LARS2: variants seen among roughly 807,000 people sequenced by gnomAD.
The protein encoded by LARS2 is leucyl-tRNA synthetase 2, mitochondrial.
Under a neutral mutation model 116.6 loss-of-function variants are expected in LARS2, and 81 were observed. The ratio of observed to expected loss-of-function variants is 0.69; its 90% CI spans 0.58 to 0.84. LARS2 has a LOEUF of 0.84. Ranked by LOEUF, LARS2 falls within the 40% of genes least tolerant of loss-of-function variation. LARS2 has a pLI of 0.00. For synonymous variants in LARS2, 396 were observed against 407.2 expected, an observed-to-expected ratio of 0.97 and a Z score of 0.33; for missense variants, 968 against 1,114.5, an observed-to-expected ratio of 0.87 and a Z score of 1.87.
chr3:45,432,615 T>C (rs1014874161), intron 6 of LARS2, among the ~76,000 whole-genome samples: 6 of 151,788 alleles, frequency 4.0e-5, no homozygotes, highest in African/African-American at 1.2e-4. Context: ...CAACATACAG[T>C]CTTATGGAAT....
chr3:45,544,722 G>C (rs1434567722), intron 21 of LARS2, among the ~76,000 whole-genome samples: 1 of 152,244 alleles, frequency 6.6e-6, no homozygotes, highest in Non-Finnish European at 1.5e-5. Context: ...TCTGAATGGT[G>C]ACTGCTGCTA....
At chr3:45,402,923 T>C (rs1698177016) in intron 4 of LARS2, among the ~76,000 whole-genome samples, 2 of 151,760 alleles carry the variant, frequency 1.3e-5, no homozygotes, top group Non-Finnish European at 2.9e-5. Context: ...CTGACCAACA[T>C]GGAGAAACCC....
At chr3:45,417,098 A>C (rs573604324) in intron 4 of LARS2, among the ~76,000 whole-genome samples, 26 of 150,638 alleles carry the variant, frequency 1.7e-4, no homozygotes, top group African/African-American at 5.8e-4. Context: ...AAAAAAAAAA[A>C]CTGACATGAC....
intron 13 of LARS2, among the ~76,000 whole-genome samples, chr3:45,493,352 G>C (rs6780182): frequency 0.8 from 121,651 of 152,112 alleles, 52,816 homozygotes; most frequent in East Asian, 0.98. Flanking sequence ...GCCCGCCTAG[G>C]CCTCCCAAAG....
chr3:45,496,821 G>A (rs535486476), intron 14 of LARS2, among the ~76,000 whole-genome samples: 22 of 152,344 alleles, frequency 1.4e-4, no homozygotes, highest in African/African-American at 4.8e-4. Context: ...TGTGCACCTC[G>A]GAACAGGCTC....
intron 8 of LARS2, among the ~76,000 whole-genome samples, chr3:45,467,101 C>G (rs1280272337): frequency 6.6e-6 from 1 of 152,076 alleles, no homozygotes; most frequent in Non-Finnish European, 1.5e-5. Flanking sequence ...TAGAGGTTTT[C>G]TGTTTTGTTC....
At chr3:45,473,356 GT>G (rs1699558936) in intron 8 of LARS2, among the ~76,000 whole-genome samples, 1 of 151,084 alleles carries the variant, frequency 6.6e-6, no homozygotes, top group Admixed American at 6.6e-5. Flanking sequence ...CTTTGGGTGC[GT>G]GTGTGTGTGT....
intron 19 of LARS2, 80 bp downstream of exon 19, chr3:45,520,376 G>A (rs1312853924): frequency 3.1e-6 from 3 of 953,266 alleles, no homozygotes; most frequent in South Asian, 1.3e-5. Flanking sequence ...GTCCCAAGAG[G>A]GACAGAGAGC....
intron 18 of LARS2, among the ~76,000 whole-genome samples, chr3:45,519,520 T>A (rs1157072704): frequency 3.3e-5 from 5 of 149,774 alleles, no homozygotes; most frequent in Non-Finnish European, 5.9e-5. Flanking sequence ...AAATTAACCT[T>A]ATCCCATATT....
intron 8 of LARS2, among the ~76,000 whole-genome samples, chr3:45,465,487 A>T (rs1295022992): frequency 4.6e-5 from 7 of 152,192 alleles, no homozygotes; most frequent in Non-Finnish European, 1.0e-4. Flanking sequence ...GCCACAGAAA[A>T]GTAGACAACT....
At chr3:45,525,232 C>G (rs1336166021) in intron 20 of LARS2, among the ~76,000 whole-genome samples, 1 of 152,120 alleles carries the variant, frequency 6.6e-6, no homozygotes, top group Non-Finnish European at 1.5e-5. Context: ...GTTTTTCATT[C>G]CTTGAGGAAA....
chr3:45,425,572 C>A (rs1312389525), intron 6 of LARS2, among the ~76,000 whole-genome samples: 1 of 152,188 alleles, frequency 6.6e-6, no homozygotes, highest in Non-Finnish European at 1.5e-5. Flanking sequence ...TCAGGCCCTT[C>A]CAAGTTTTGT....
chr3:45,447,993 A>G (rs1015359085), intron 7 of LARS2, among the ~76,000 whole-genome samples: 2 of 152,176 alleles, frequency 1.3e-5, no homozygotes, highest in African/African-American at 4.8e-5. Context: ...CACACCTGTA[A>G]TCTCAGCACT....
At chr3:45,432,993 T>C (rs1698743427) in intron 6 of LARS2, among the ~76,000 whole-genome samples, 1 of 152,048 alleles carries the variant, frequency 6.6e-6, no homozygotes. Context: ...TGAAATATAT[T>C]TTACTTTGAA....
At position 45,546,504 on chromosome 3, in the gene LARS2, T is replaced by C. The variant is rs145932624; in HGVS notation, c.2533-847T>C. 2.5e-3 allele frequency among the ~76,000 whole-genome samples: 379 copies of C among 152,282 alleles called. 3 individuals are homozygous for C. Among genetic ancestry groups the C allele is most frequent in the Non-Finnish European group, 4.0e-3 (269 of 68,014 alleles). On this transcript the variant is annotated intron_variant, in intron 21 of 21. Transcript: ENST00000645846. ...ACCAAGTTCTGCAAAACTGAAAAAATGAAGTGGGTGATTAGGGGACATTTG... is the reference window on the plus strand; with the variant it reads ...ACCAAGTTCTGCAAAACTGAAAAAACGAAGTGGGTGATTAGGGGACATTTG...
intron 6 of LARS2, among the ~76,000 whole-genome samples, chr3:45,428,861 C>T (rs1259907311): frequency 1.3e-5 from 2 of 151,992 alleles, no homozygotes; most frequent in African/African-American, 4.8e-5. Context: ...TTTATTTATA[C>T]ATATTATATA....
intron 8 of LARS2, among the ~76,000 whole-genome samples, chr3:45,469,926 T>C (rs1488277574): frequency 6.6e-6 from 1 of 152,148 alleles, no homozygotes; most frequent in Admixed American, 6.5e-5. Context: ...AATTTATAAG[T>C]ATGCTAAGTG....
intron 1 of LARS2, among the ~76,000 whole-genome samples, chr3:45,389,734 GC>G (rs1697908005): frequency 6.6e-6 from 1 of 152,128 alleles, no homozygotes; most frequent in African/African-American, 2.4e-5. Context: ...GAAGTAAAGG[GC>G]CAAGTTGATC....
At chr3:45,518,715 T>G (rs1476349948) in intron 18 of LARS2, among the ~76,000 whole-genome samples, 2 of 152,158 alleles carry the variant, frequency 1.3e-5, no homozygotes, top group African/African-American at 4.8e-5. Context: ...ATATCCCAAA[T>G]TCTTCTTAAG....
Sources: allele counts gnomAD v4.1 joint callset (sites outside exome capture counted in the v4.1 genomes callset), GRCh38; gene constraint gnomAD v4.1.1; transcripts MANE v1.5; gene names NCBI Gene and HGNC (gene_info 2026-07-23, HGNC 2026-07-21).